Variants in TRIM26 observed in about 807,000 individuals in gnomAD.
TRIM26 encodes tripartite motif containing 26.
A neutral mutation model predicts 45.5 loss-of-function variants in TRIM26; 16 were observed. The observed-to-expected ratio is 0.35, with a 90% CI of 0.24 to 0.53. The LOEUF is 0.53. Among genes scored for constraint, TRIM26 ranks in the 20% least tolerant of loss-of-function variants. The pLI is 0.92. For synonymous variants in TRIM26, 273 were observed against 290.4 expected, an observed-to-expected ratio of 0.94 and a Z score of 0.61; for missense variants, 442 against 691.1, an observed-to-expected ratio of 0.64 and a Z score of 4.04.
chr6:30,210,819 A>G (rs1778214627), intron 1 of TRIM26, among the ~76,000 whole-genome samples: 1 of 152,218 alleles, frequency 6.6e-6, no homozygotes. Flanking sequence ...ATGAAGGAAC[A>G]GTGGGAGGGC....
Position 30,186,017 on chromosome 6 carries a change from C to A in TRIM26, c.1479G>T (p.Leu493=). ...ALRPRRVGIA[L]DYEGGTVTFT... is the part of the protein sequence containing the mutation. The stretch of plus-strand genomic sequence containing the variant: ...AAGTCACGGTGCCCCCTTCATAATC[C>A]AGGGCGATGCCCACTCTCCGGGGCC... Residue 493 remains leucine (L), a synonymous_variant, in exon 10 of 10, where the codon CTG becomes CTT. Coordinates refer to ENST00000454678, the MANE Select transcript of TRIM26 (RefSeq NM_003449.5). The surrounding 1 kb of genome is among the most constrained non-coding windows in gnomAD (Gnocchi z 7.4). 2 of 1,610,250 alleles carry A rather than the reference C, an allele frequency of 1.2e-6. No individual in the cohort carries two copies. Among genetic ancestry groups the A allele is most frequent in the Non-Finnish European group, 1.7e-6 (2 of 1,178,788 alleles).
Position 30,199,243 on chromosome 6 carries a change from A to C in TRIM26, c.-140T>G, listed in dbSNP as rs551498793. 1.0e-4 allele frequency: 72 copies of C among 707,298 alleles called. No individual in the cohort carries two copies. Among genetic ancestry groups the C allele is most frequent in the Non-Finnish European group, 1.4e-4 (63 of 446,572 alleles). The allele number at this position is 707,298 out of a possible 1,614,324, so 43.8% of individuals were successfully genotyped here. A position where few individuals can be genotyped will look rare whatever the true frequency, so the allele number is the denominator to read the frequency against. On this transcript the variant is annotated 5_prime_UTR_variant, in exon 4 of 10. The change creates a new upstream start codon in the 5' untranslated region. Coordinates refer to ENST00000454678, the MANE Select transcript of TRIM26 (RefSeq NM_003449.5). ...GGGCTGCCAGCTCCAGCACTCAGTCAATCGACAGACACCACCAGCTCCTAC... is the reference window on the plus strand; with the variant it reads ...GGGCTGCCAGCTCCAGCACTCAGTCCATCGACAGACACCACCAGCTCCTAC...
intron 1 of TRIM26, among the ~76,000 whole-genome samples, chr6:30,210,062 G>A (rs1202066894): frequency 2.0e-5 from 3 of 151,690 alleles, no homozygotes; most frequent in African/African-American, 7.3e-5. Context: ...AAAATTAGCC[G>A]GGCATGGTGG....
chr6:30,199,048 C>A lies in TRIM26; in HGVS notation c.56G>T (p.Cys19Phe). Residue 19 changes from cysteine (C) to phenylalanine (F), a missense_variant, in exon 4 of 10, where the codon TGT becomes TTT. Physicochemically the swap from Cys to Phe is radical, Grantham distance 205. Coordinates refer to ENST00000454678, the MANE Select transcript of TRIM26 (RefSeq NM_003449.5). ...SLEEEVTCSI[C>F]LDYLRDPVTI... ...CACAGGGTCCCGCAGGTAATCAAGA[C>A]AGATGGAGCAGGTCACCTCCTCTTC... 1 of 1,600,732 alleles carries A rather than the reference C, an allele frequency of 6.2e-7. No homozygotes were observed. The highest frequency in any genetic ancestry group is 1.1e-5 in the South Asian group (1 of 89,802).
intron 6 of TRIM26, among the ~76,000 whole-genome samples, chr6:30,192,051 C>T (rs1448343982): frequency 6.6e-6 from 1 of 152,162 alleles, no homozygotes; most frequent in African/African-American, 2.4e-5. Context: ...GGGTGGGTCC[C>T]GAGAGCCAGG....
intron 1 of TRIM26, among the ~76,000 whole-genome samples, chr6:30,210,723 G>T (rs116128693): frequency 0.022 from 2,458 of 111,550 alleles, 48 homozygotes; most frequent in African/African-American, 0.065. Context: ...TAACACAACA[G>T]AATAACAATA....
Position 30,190,061 on chromosome 6 carries a change from G to A in TRIM26, c.766-26C>T, listed in dbSNP as rs1363705798. Reference sequence around the variant, plus strand: ...CTAGAAGGGAAAGAAAAAAGCACAAGTATCAATATGAATCAAATAAGACTT... The same window carrying A: ...CTAGAAGGGAAAGAAAAAAGCACAAATATCAATATGAATCAAATAAGACTT... On this transcript the variant is annotated intron_variant, in intron 6 of 9. Coordinates refer to ENST00000454678, the MANE Select transcript of TRIM26 (RefSeq NM_003449.5). The surrounding 1 kb of genome is among the most constrained non-coding windows in gnomAD (Gnocchi z 4.3). 6.2e-6 allele frequency: 10 copies of A among 1,612,368 alleles called. No individual in the cohort carries two copies. The highest frequency in any genetic ancestry group is 1.7e-5 in the Admixed American group (1 of 60,010).
At chr6:30,193,128 ATACATATATGTG>A (rs1316485426) in intron 6 of TRIM26, among the ~76,000 whole-genome samples, 4 of 54,916 alleles carry the variant, frequency 7.3e-5, no homozygotes, top group African/African-American at 2.2e-4. Flanking sequence ...GTATATATAT[ATACATATATGTG>A]TGTGTGTGTG....
chr6:30,212,420 T>C (rs148295605), intron 1 of TRIM26, among the ~76,000 whole-genome samples: 1 of 152,322 alleles, frequency 6.6e-6, no homozygotes, highest in Non-Finnish European at 1.5e-5. Context: ...TGATATTGGT[T>C]AACTGCAACA....
intron 2 of TRIM26, among the ~76,000 whole-genome samples, chr6:30,204,146 C>G (rs1422275160): frequency 1.3e-5 from 2 of 152,194 alleles, no homozygotes; most frequent in African/African-American, 4.8e-5. Flanking sequence ...CCAATCCCTT[C>G]CCTTGCTTAT....
intron 1 of TRIM26, among the ~76,000 whole-genome samples, chr6:30,205,697 C>A (rs117836842): frequency 6.6e-6 from 1 of 152,198 alleles, no homozygotes; most frequent in Non-Finnish European, 1.5e-5. Context: ...GCTGAATTAG[C>A]TGGGTGCGAT....
Position 30,198,640 on chromosome 6 carries a change from C to T in TRIM26, c.438+26G>A, listed in dbSNP as rs1183550308. ...GGAGCATCCAGAGAAGGTGGCAAGG[C>T]ACCCTCGGGGGTGAAGAGGGCTTAC... On this transcript the variant is annotated intron_variant, in intron 4 of 9. Transcript: ENST00000454678. This position sits in a 1 kb window ranked among gnomAD's most constrained non-coding sequence, Gnocchi z 6.3. The T allele has an allele frequency of 1.2e-6, 2 of 1,603,524 alleles. No individual in the cohort carries two copies. The highest frequency in any genetic ancestry group is 1.7e-6 in the Non-Finnish European group (2 of 1,175,910).
chr6:30,194,216 A>G (rs1438547951), intron 6 of TRIM26, among the ~76,000 whole-genome samples: 1 of 151,916 alleles, frequency 6.6e-6, no homozygotes, highest in Non-Finnish European at 1.5e-5. Flanking sequence ...GATAAAGAAA[A>G]TGTAGCATAT....
intron 9 of TRIM26, chr6:30,188,355 AC>A: frequency 2.2e-6 from 1 of 460,496 alleles, no homozygotes; most frequent in Non-Finnish European, 3.9e-6. Context: ...TTTCAAAACT[AC>A]CAGCCTGCTC....
In TRIM26 at chr6:30,196,762, A is replaced by T. The variant is rs962199627; in HGVS notation, c.535-16T>A. 1.2e-6 allele frequency: 2 copies of T among 1,613,514 alleles called. No homozygotes were observed. The highest frequency in any genetic ancestry group is 1.7e-6 in the Non-Finnish European group (2 of 1,179,618). On this transcript the variant is annotated splice_polypyrimidine_tract_variant and intron_variant, in intron 5 of 9. Transcript: ENST00000454678. This position sits in a 1 kb window ranked among gnomAD's most constrained non-coding sequence, Gnocchi z 4.9. The stretch of plus-strand genomic sequence containing the variant: ...GGAGCTTCTTCTGCAGGGGGCAGGA[A>T]GGGGAGAAGGGCTGACACCTCTGCT...
chr6:30,203,482 T>C (rs1777405364), intron 2 of TRIM26, among the ~76,000 whole-genome samples: 1 of 152,156 alleles, frequency 6.6e-6, no homozygotes, highest in Admixed American at 6.5e-5. Flanking sequence ...AATGGCGCAA[T>C]CTGGCTCACT....
rs1488716814 is a variant in TRIM26 at position 30,190,119 on chromosome 6, T to C, written c.766-84A>G. ...TCTGCACCCAACACTGTAGCAGAGA[T>C]GGGACATATCAGTGAACAAAACAAA... On this transcript the variant is annotated intron_variant, in intron 6 of 9. Coordinates refer to ENST00000454678, the MANE Select transcript of TRIM26 (RefSeq NM_003449.5). This position sits in a 1 kb window ranked among gnomAD's most constrained non-coding sequence, Gnocchi z 4.3. 5 of 1,460,126 alleles carry C rather than the reference T, an allele frequency of 3.4e-6. No homozygotes were observed. The African/African-American group carries it at 4.2e-5, about 12-fold the overall frequency. 90.4% of individuals were successfully genotyped at this position (1,460,126 alleles called of 1,614,324 possible). A position where few individuals can be genotyped will look rare whatever the true frequency, so the allele number is the denominator to read the frequency against.
chr6:30,185,711 G>T lies in TRIM26; in HGVS notation c.*165C>A. On this transcript the variant is annotated 3_prime_UTR_variant, in exon 10 of 10. Coordinates refer to ENST00000454678, the MANE Select transcript of TRIM26 (RefSeq NM_003449.5). This position sits in a 1 kb window ranked among gnomAD's most constrained non-coding sequence, Gnocchi z 5.7. ...GGGCAGTAGATGGAGCAACAGCACT[G>T]AGTGAGATTTCAGGGGGCCACAGCA... is the stretch of plus-strand genomic sequence containing the variant. 1 of 750,328 alleles carries T rather than the reference G, an allele frequency of 1.3e-6. No homozygotes were observed. The highest frequency in any genetic ancestry group is 2.1e-6 in the Non-Finnish European group (1 of 465,646). 46.5% of individuals were successfully genotyped at this position (750,328 alleles called of 1,614,324 possible). A position where few individuals can be genotyped will look rare whatever the true frequency, so the allele number is the denominator to read the frequency against.
At position 30,186,455 on chromosome 6, in the gene TRIM26, G is replaced by A. The variant is rs1229127489; in HGVS notation, c.1041C>T (p.His347=). The A allele has an allele frequency of 2.5e-6, 4 of 1,595,686 alleles. No homozygotes were observed. The highest frequency in any genetic ancestry group is 3.4e-6 in the Non-Finnish European group (4 of 1,170,830). ...CAGGCTCACAGTCAAACTGCTGGGG[G>A]TGCAGGTAGGCACTCTTGTACAGGC... The part of the protein sequence containing the change: ...YTSLYKSAYL[H]PQQFDCEPGV... Residue 347 remains histidine, a synonymous_variant, in exon 10 of 10, where the codon CAC becomes CAT. Transcript: ENST00000454678. The surrounding 1 kb of genome is among the most constrained non-coding windows in gnomAD (Gnocchi z 7.4).
Sources: allele counts gnomAD v4.1 joint callset (sites outside exome capture counted in the v4.1 genomes callset), GRCh38; gene constraint gnomAD v4.1.1; non-coding constraint Gnocchi (gnomAD v3.1); transcripts MANE v1.5; gene names NCBI Gene and HGNC (gene_info 2026-07-23, HGNC 2026-07-21).